Variants in FMNL2 observed in about 807,000 individuals in gnomAD.
The protein encoded by FMNL2 is formin-like protein 2.
In FMNL2, 51 loss-of-function variants were observed where a neutral mutation model predicts 130.2. The observed-to-expected ratio is 0.39, with a 90% CI of 0.31 to 0.49. FMNL2 has a LOEUF of 0.49. Among genes scored for constraint, FMNL2 ranks in the 20% least tolerant of loss-of-function variants. The probability of loss-of-function intolerance (pLI) is 0.85; values close to 1 mark genes in which losing one functional copy is unlikely to be tolerated. For missense variants in FMNL2, 977 were observed against 1,316.2 expected, an observed-to-expected ratio of 0.74 and a Z score of 3.99; for synonymous variants, 465 against 467.1, an observed-to-expected ratio of 1.00 and a Z score of 0.06.
chr2:152,409,346 GT>G (rs887510946), intron 1 of FMNL2, among the ~76,000 whole-genome samples: 2 of 151,972 alleles, frequency 1.3e-5, no homozygotes, highest in Non-Finnish European at 1.5e-5. Flanking sequence ...ATAAGCAATG[GT>G]TTTTTTTGGT....
intron 25 of FMNL2, among the ~76,000 whole-genome samples, chr2:152,642,169 T>C (rs1443653195): frequency 1.3e-5 from 2 of 152,192 alleles, no homozygotes; most frequent in Non-Finnish European, 2.9e-5. Context: ...CTCGATCTCC[T>C]GACCTCGTGA....
At chr2:152,397,945 A>G (rs1224827184) in intron 1 of FMNL2, among the ~76,000 whole-genome samples, 1 of 152,144 alleles carries the variant, frequency 6.6e-6, no homozygotes, top group Non-Finnish European at 1.5e-5. Context: ...CCAACATGGC[A>G]AAACCTCATC....
At chr2:152,607,265 C>T in intron 9 of FMNL2, 74 bp from the exon 10 acceptor site, 1 of 1,198,482 alleles carries the variant, frequency 8.3e-7, no homozygotes, top group African/African-American at 1.5e-5. Context: ...CATTATTAAG[C>T]TGAAATTTCT....
At chr2:152,578,986 C>A (rs780916174) in intron 8 of FMNL2, 22 bp downstream of exon 8, 2 of 1,596,654 alleles carry the variant, frequency 1.3e-6, no homozygotes, top group East Asian at 4.5e-5. Context: ...TTGTAGTACG[C>A]AAGTCTAAAT....
intron 1 of FMNL2, among the ~76,000 whole-genome samples, chr2:152,385,210 G>C (rs1461573421): frequency 6.6e-6 from 1 of 152,212 alleles, no homozygotes; most frequent in Admixed American, 6.5e-5. Context: ...GAACACAAGT[G>C]CCCAAGAATG....
chr2:152,540,942 A>G (rs1223590244), intron 2 of FMNL2, among the ~76,000 whole-genome samples: 1 of 152,220 alleles, frequency 6.6e-6, no homozygotes, highest in Non-Finnish European at 1.5e-5. Flanking sequence ...TGGACCATGC[A>G]GAATGTTGTG....
In FMNL2 at chr2:152,607,372, A is replaced by T. The variant is rs773309813; in HGVS notation, c.910A>T (p.Met304Leu). The change falls in exon 10 of 26, where the codon ATG becomes TTG. Residue 304 changes from methionine (M) to leucine (L), a missense_variant. By Grantham distance (15) the Met-to-Leu change is conservative (BLOSUM62 2). Transcript: ENST00000288670. ...AGAAAAACAGCGCTTTGAGAAGTTG[A>T]TGGAACATTTCAGGAATGAAGACAA... ...CGEKQRFEKL[M>L]EHFRNEDNNI... is the part of the protein sequence containing the mutation. 2 of 1,613,640 alleles carry T rather than the reference A, an allele frequency of 1.2e-6. No homozygotes were observed. The highest frequency in any genetic ancestry group is 1.7e-6 in the Non-Finnish European group (2 of 1,179,732).
chr2:152,566,818 C>T (rs1209239320), intron 6 of FMNL2, among the ~76,000 whole-genome samples: 3 of 152,036 alleles, frequency 2.0e-5, no homozygotes, highest in Non-Finnish European at 4.4e-5. Context: ...ACAGCAGAAC[C>T]TAGGGAGTGA....
At chr2:152,398,010 A>T (rs1685492995) in intron 1 of FMNL2, among the ~76,000 whole-genome samples, 1 of 152,174 alleles carries the variant, frequency 6.6e-6, no homozygotes, top group Non-Finnish European at 1.5e-5. Context: ...CTGTAATCCC[A>T]GCCTTGGGAG....
chr2:152,530,912 A>T (rs1209364642), intron 2 of FMNL2, among the ~76,000 whole-genome samples: 1 of 152,222 alleles, frequency 6.6e-6, no homozygotes, highest in Non-Finnish European at 1.5e-5. Flanking sequence ...GAGTACAGCA[A>T]GACTGGAGGA....
At chr2:152,611,428 A>C in intron 10 of FMNL2, 67 bp from the exon 11 acceptor site, 1 of 763,382 alleles carries the variant, frequency 1.3e-6, no homozygotes, top group Non-Finnish European at 2.2e-6. Flanking sequence ...AATTGAAAGC[A>C]CATGTCTGCA....
intron 1 of FMNL2, among the ~76,000 whole-genome samples, chr2:152,356,961 G>C (rs896348086): frequency 6.7e-6 from 1 of 148,316 alleles, no homozygotes; most frequent in Non-Finnish European, 1.5e-5. Context: ...TATATATAAC[G>C]ATAAATATTA....
At chr2:152,496,397 A>G (rs1298481524) in intron 1 of FMNL2, among the ~76,000 whole-genome samples, 3 of 152,178 alleles carry the variant, frequency 2.0e-5, no homozygotes, top group Admixed American at 6.5e-5. Context: ...TGGTATCTGC[A>G]TGTCTCGTTA....
chr2:152,383,760 A>T (rs1684630673), intron 1 of FMNL2, among the ~76,000 whole-genome samples: 1 of 152,332 alleles, frequency 6.6e-6, no homozygotes, highest in Non-Finnish European at 1.5e-5. Flanking sequence ...CCCCAAACTT[A>T]GAGGAAATAA....
At chr2:152,578,720 T>A (rs866048123) in intron 7 of FMNL2, 168 bp from the exon 8 acceptor site, 1 of 471,242 alleles carries the variant, frequency 2.1e-6, no homozygotes. Flanking sequence ...AAATTTTTAA[T>A]AGAGAAATAT....
At chr2:152,352,602 C>T (rs1682558716) in intron 1 of FMNL2, among the ~76,000 whole-genome samples, 5 of 152,060 alleles carry the variant, frequency 3.3e-5, no homozygotes, top group African/African-American at 1.2e-4. Flanking sequence ...TACCCAGAAC[C>T]AACAGTAACT....
At chr2:152,645,576 A>C (rs1300410521) in intron 25 of FMNL2, 1 of 1,153,392 alleles carries the variant, frequency 8.7e-7, no homozygotes, top group African/African-American at 1.6e-5. Flanking sequence ...TATGCAGATC[A>C]ATGGTTTTCA....
chr2:152,396,003 CCTTG>C (rs1218449438), intron 1 of FMNL2, among the ~76,000 whole-genome samples: 1 of 152,158 alleles, frequency 6.6e-6, no homozygotes, highest in African/African-American at 2.4e-5. Context: ...GTCAGAAAGT[CCTTG>C]CTTAAGTGTA....
chr2:152,580,885 G>T, intron 8 of FMNL2, 71 bp from the exon 9 acceptor site: 1 of 1,359,874 alleles, frequency 7.4e-7, no homozygotes, highest in Non-Finnish European at 1.0e-6. Context: ...CATGTATCTT[G>T]GAAGGAAGAA....
Sources: allele counts gnomAD v4.1 joint callset (sites outside exome capture counted in the v4.1 genomes callset), GRCh38; gene constraint gnomAD v4.1.1; transcripts MANE v1.5; gene names NCBI Gene and HGNC (gene_info 2026-07-23, HGNC 2026-07-21).